LEPR: variants seen among roughly 807,000 people sequenced by gnomAD.
LEPR encodes the protein leptin receptor, also known as OB receptor.
In LEPR, 56 loss-of-function variants were observed where a neutral mutation model predicts 114.7. That is an observed-to-expected ratio of 0.49 (90% CI 0.39 to 0.61). LEPR has a LOEUF of 0.61. Among genes scored for constraint, LEPR ranks in the 20% least tolerant of loss-of-function variants. The pLI, the probability that LEPR is intolerant of heterozygous loss-of-function variation, is 0.00. For synonymous variants in LEPR, 443 were observed against 461.4 expected (o/e 0.96, Z 0.51); for missense variants, 1,202 against 1,352.9 (o/e 0.89, Z 1.75).
chr1:65,636,868 G>A lies in LEPR; in HGVS notation c.3351G>A (p.Gln1117=), dbSNP rs1441840954. 2.5e-6 allele frequency: 4 copies of A among 1,609,854 alleles called. No homozygotes were observed. In the Admixed American group the frequency reaches 6.8e-5, roughly 27 times the overall value. Residue 1117 remains glutamine, a synonymous_variant, in exon 20 of 20, where the codon CAG becomes CAA. Transcript: ENST00000349533. ...TATTCACGGACATCAGAGTTCTCCA[G>A]GACAGTTGCTCACACTTTGTAGAAA... ...PCLFTDIRVL[Q]DSCSHFVENN...
At chr1:65,582,204 T>C (rs779757404) in intron 5 of LEPR, among the ~76,000 whole-genome samples, 20 of 152,178 alleles carry the variant, frequency 1.3e-4, no homozygotes, top group Admixed American at 3.9e-4. Context: ...ACAGTAATCA[T>C]TTATTATCTC....
At chr1:65,586,822 A>G (rs928067830) in intron 5 of LEPR, among the ~76,000 whole-genome samples, 2 of 152,026 alleles carry the variant, frequency 1.3e-5, no homozygotes, top group African/African-American at 4.8e-5. Context: ...TTAAAAACCA[A>G]CAAACAATGA....
At position 65,612,031 on chromosome 1, in the gene LEPR, A is replaced by G. The variant is rs977726598; in HGVS notation, c.1995+1735A>G. ...TTATTAGTCAATTTGCCTTTCATTA[A>G]TTTTGTTTTGTGCTGTTTTGTTGTG... On this transcript the variant is annotated intron_variant, in intron 14 of 19. Transcript: ENST00000349533. Among the ~76,000 whole-genome samples, 8 of 152,102 alleles carry G rather than the reference A, an allele frequency of 5.3e-5. No homozygotes were observed. In the South Asian group the frequency reaches 1.7e-3, roughly 32 times the overall value.
At chr1:65,434,509 G>T (rs1646531877) in intron 2 of LEPR, 1 of 984,720 alleles carries the variant, frequency 1.0e-6, no homozygotes, top group Non-Finnish European at 1.2e-6. Context: ...ACTATGAATT[G>T]GTGATTGAGT....
intron 19 of LEPR, chr1:65,635,327 A>C (rs1342528801): frequency 1.0e-6 from 1 of 983,758 alleles, no homozygotes; most frequent in Non-Finnish European, 1.2e-6. Flanking sequence ...ATGTGTTTAC[A>C]TTGTATGAAT....
intron 2 of LEPR, among the ~76,000 whole-genome samples, chr1:65,511,472 G>T (rs1221339395): frequency 6.8e-6 from 1 of 146,438 alleles, no homozygotes; most frequent in Admixed American, 6.8e-5. Context: ...ACACACACAC[G>T]TGTATTTTTC....
intron 2 of LEPR, among the ~76,000 whole-genome samples, chr1:65,467,236 A>T (rs1415397282): frequency 3.3e-5 from 5 of 151,798 alleles, no homozygotes; most frequent in African/African-American, 9.7e-5. Context: ...CTTTTTGTTG[A>T]TGTTGATGCT....
At chr1:65,632,163 C>T (rs1174725779) in intron 19 of LEPR, among the ~76,000 whole-genome samples, 5 of 152,120 alleles carry the variant, frequency 3.3e-5, no homozygotes, top group African/African-American at 1.2e-4. Context: ...AACCCGTGGC[C>T]TCCCAGAACA....
At chr1:65,511,166 T>C (rs999542258) in intron 2 of LEPR, among the ~76,000 whole-genome samples, 3 of 152,194 alleles carry the variant, frequency 2.0e-5, no homozygotes, top group Non-Finnish European at 2.9e-5. Context: ...TGACAAACAG[T>C]AACATCTGCT....
At chr1:65,569,240 T>A (rs1653983266) in intron 3 of LEPR, among the ~76,000 whole-genome samples, 1 of 152,200 alleles carries the variant, frequency 6.6e-6, no homozygotes, top group Non-Finnish European at 1.5e-5. Flanking sequence ...TTTCCTTACA[T>A]TATTACATTT....
At chr1:65,581,806 A>G (rs891530261) in intron 5 of LEPR, among the ~76,000 whole-genome samples, 9 of 152,192 alleles carry the variant, frequency 5.9e-5, no homozygotes, top group Non-Finnish European at 1.3e-4. Context: ...CTTGCTGGAA[A>G]TCTCCTTAAA....
intron 2 of LEPR, chr1:65,432,887 C>T (rs966201626): frequency 8.0e-6 from 7 of 869,856 alleles, no homozygotes; most frequent in Middle Eastern, 5.8e-4. Context: ...ATTCAAAAAT[C>T]ATAAAACCGT....
chr1:65,620,400 C>T (rs1188492859), intron 17 of LEPR, among the ~76,000 whole-genome samples: 1 of 151,828 alleles, frequency 6.6e-6, no homozygotes, highest in Non-Finnish European at 1.5e-5. Flanking sequence ...ATGTATTATC[C>T]AACAGATATT....
chr1:65,477,789 C>T (rs992267892), intron 2 of LEPR, among the ~76,000 whole-genome samples: 1 of 152,204 alleles, frequency 6.6e-6, no homozygotes, highest in Non-Finnish European at 1.5e-5. Flanking sequence ...GGGCTGTGTC[C>T]TGTTTCCTTT....
intron 10 of LEPR, among the ~76,000 whole-genome samples, chr1:65,604,086 T>C (rs1656644077): frequency 1.3e-5 from 2 of 152,114 alleles, no homozygotes; most frequent in African/African-American, 4.8e-5. Context: ...TTAAATATTC[T>C]ATCACTAATA....
At chr1:65,474,818 C>T (rs972828225) in intron 2 of LEPR, among the ~76,000 whole-genome samples, 1 of 151,556 alleles carries the variant, frequency 6.6e-6, no homozygotes, top group African/African-American at 2.4e-5. Context: ...CCAGCCTGAC[C>T]AACATAGTGA....
intron 2 of LEPR, among the ~76,000 whole-genome samples, chr1:65,461,230 C>T (rs538078514): frequency 2.6e-5 from 4 of 152,270 alleles, no homozygotes; most frequent in African/African-American, 9.6e-5. Flanking sequence ...CTGCCTCGGC[C>T]TCCCAAAGTG....
At chr1:65,592,567 T>G (rs1655780436) in intron 5 of LEPR, 90 bp from the exon 6 acceptor site, 2 of 1,427,528 alleles carry the variant, frequency 1.4e-6, no homozygotes, top group Non-Finnish European at 1.9e-6. Context: ...CCAAATAGTT[T>G]ACTTCAATTA....
chr1:65,430,681 C>T (rs1038513612), intron 2 of LEPR, among the ~76,000 whole-genome samples: 3 of 151,624 alleles, frequency 2.0e-5, no homozygotes, highest in Non-Finnish European at 3.0e-5. Context: ...ATCAGATAAG[C>T]GCAAGTCTTG....
Sources: allele counts gnomAD v4.1 joint callset (sites outside exome capture counted in the v4.1 genomes callset), GRCh38; gene constraint gnomAD v4.1.1; transcripts MANE v1.5; gene names NCBI Gene and HGNC (gene_info 2026-07-23, HGNC 2026-07-21).